The following KHDRBS2 variants were observed in gnomAD, a reference collection of about 807,000 sequenced individuals.
The protein encoded by KHDRBS2 is KH domain-containing, RNA-binding, signal transduction-associated protein 2.
Under a neutral mutation model 44.3 loss-of-function variants are expected in KHDRBS2, and 26 were observed. The observed-to-expected ratio is 0.59, with a 90% CI of 0.43 to 0.81. The LOEUF (loss-of-function observed/expected upper bound fraction) is 0.81. KHDRBS2 is among the 40% of genes least tolerant of loss of function. KHDRBS2 has a pLI of 0.00. For synonymous variants in KHDRBS2, 194 were observed against 151.1 expected, an observed-to-expected ratio of 1.28 and a Z score of -2.08; for missense variants, 476 against 433.1, an observed-to-expected ratio of 1.10 and a Z score of -0.88.
chr6:61,573,542 C>T, the KHDRBS2 span, among the ~76,000 whole-genome samples: 5 of 152,258 alleles, frequency 3.3e-5, no homozygotes, highest in South Asian at 6.2e-4. Flanking sequence ...GTAATCCCAA[C>T]ACTTTTGGAG....
At chr6:62,153,092 CA>C (rs1405268786) in intron 2 of KHDRBS2, among the ~76,000 whole-genome samples, 6 of 152,156 alleles carry the variant, frequency 3.9e-5, no homozygotes, top group Admixed American at 2.0e-4. Context: ...TGCTCAATGG[CA>C]AAAACATTAA....
intron 6 of KHDRBS2, among the ~76,000 whole-genome samples, chr6:61,770,424 G>C (rs1479741066): frequency 6.6e-6 from 1 of 152,150 alleles, no homozygotes; most frequent in Non-Finnish European, 1.5e-5. Flanking sequence ...CGGCAAAGAA[G>C]TTAAAAGCTT....
intron 3 of KHDRBS2, among the ~76,000 whole-genome samples, chr6:62,047,346 CT>C (rs1268456211): frequency 1.3e-5 from 2 of 151,828 alleles, no homozygotes; most frequent in African/African-American, 4.8e-5. Flanking sequence ...TGATAGATCT[CT>C]TATTGTTCTT....
the KHDRBS2 span, among the ~76,000 whole-genome samples, chr6:61,562,844 T>C: frequency 2.0e-5 from 3 of 152,184 alleles, no homozygotes; most frequent in African/African-American, 7.2e-5. Context: ...TTTTTATAAA[T>C]TATTTTTGAC....
At chr6:62,096,959 T>TTTTAATTTCTTC (rs1471221618) in intron 2 of KHDRBS2, among the ~76,000 whole-genome samples, 11 of 151,936 alleles carry the variant, frequency 7.2e-5, no homozygotes, top group Non-Finnish European at 1.6e-4. Flanking sequence ...TCAGTAAATA[T>TTTTAATTTCTTC]TTTAATTTCT....
chr6:61,826,031 C>A (rs1170417436), intron 6 of KHDRBS2, among the ~76,000 whole-genome samples: 1 of 152,092 alleles, frequency 6.6e-6, no homozygotes, highest in African/African-American at 2.4e-5. Context: ...CTTAACCTGA[C>A]AACATAGATG....
chr6:62,285,221 C>T (rs929264673), intron 1 of KHDRBS2, among the ~76,000 whole-genome samples: 7 of 152,078 alleles, frequency 4.6e-5, no homozygotes, highest in Non-Finnish European at 1.0e-4. Context: ...AGAAAATGCA[C>T]ACTTGGTAAA....
intron 8 of KHDRBS2, among the ~76,000 whole-genome samples, chr6:61,683,357 A>G (rs756476366): frequency 1.3e-5 from 2 of 151,836 alleles, no homozygotes; most frequent in Non-Finnish European, 2.9e-5. Context: ...TTGATGAGCT[A>G]AAACTCTTCA....
At chr6:62,060,410 A>T (rs1191925265) in intron 2 of KHDRBS2, among the ~76,000 whole-genome samples, 1 of 151,774 alleles carries the variant, frequency 6.6e-6, no homozygotes, top group Non-Finnish European at 1.5e-5. Flanking sequence ...AGACCTATAG[A>T]AATCTGGAAA....
At chr6:62,254,693 G>A (rs1053506086) in intron 1 of KHDRBS2, among the ~76,000 whole-genome samples, 1 of 152,020 alleles carries the variant, frequency 6.6e-6, no homozygotes, top group Non-Finnish European at 1.5e-5. Context: ...AACGTGGTAT[G>A]AAATCAGGTC....
chr6:61,698,348 T>A (rs1300809753), intron 7 of KHDRBS2, among the ~76,000 whole-genome samples: 1 of 152,110 alleles, frequency 6.6e-6, no homozygotes, highest in Non-Finnish European at 1.5e-5. Flanking sequence ...TCATACTTAC[T>A]CCCTAGGCAG....
the KHDRBS2 span, among the ~76,000 whole-genome samples, chr6:61,543,245 C>T: frequency 6.6e-6 from 1 of 151,734 alleles, no homozygotes; most frequent in Non-Finnish European, 1.5e-5. Flanking sequence ...ATATAATGAT[C>T]TCAAAAAAAC....
At chr6:61,737,641 A>G (rs750641825) in intron 6 of KHDRBS2, among the ~76,000 whole-genome samples, 1 of 152,068 alleles carries the variant, frequency 6.6e-6, no homozygotes, top group Non-Finnish European at 1.5e-5. Flanking sequence ...GGATTTCTGA[A>G]GAAGTGAGAA....
chr6:61,580,837 G>C, the KHDRBS2 span, among the ~76,000 whole-genome samples: 1 of 152,148 alleles, frequency 6.6e-6, no homozygotes, highest in African/African-American at 2.4e-5. Flanking sequence ...TTTAAGAGCT[G>C]TAACACTCAC....
At chr6:61,665,007 C>T in the KHDRBS2 span, among the ~76,000 whole-genome samples, 1 of 151,414 alleles carries the variant, frequency 6.6e-6, no homozygotes, top group Admixed American at 6.6e-5. Context: ...TATACTTTTT[C>T]TAATTCTACA....
At chr6:62,130,202 T>C (rs1404519880) in intron 2 of KHDRBS2, among the ~76,000 whole-genome samples, 1 of 152,130 alleles carries the variant, frequency 6.6e-6, no homozygotes. Context: ...GGGCCATAAT[T>C]GTGGTAGAAT....
At chr6:61,986,713 G>T (rs1256486514) in intron 3 of KHDRBS2, among the ~76,000 whole-genome samples, 1 of 152,130 alleles carries the variant, frequency 6.6e-6, no homozygotes, top group Non-Finnish European at 1.5e-5. Flanking sequence ...TCCGTTCCTG[G>T]TGAGGGCTCT....
intron 4 of KHDRBS2, among the ~76,000 whole-genome samples, chr6:61,947,196 G>T (rs1288718675): frequency 1.3e-5 from 2 of 152,104 alleles, no homozygotes; most frequent in East Asian, 3.9e-4. Context: ...ACTATTATAA[G>T]ACATCTGCAA....
At chr6:62,210,183 AT>A (rs980704820) in intron 1 of KHDRBS2, among the ~76,000 whole-genome samples, 8 of 152,026 alleles carry the variant, frequency 5.3e-5, no homozygotes, top group African/African-American at 1.7e-4. Context: ...ACGACCACCT[AT>A]TTTTTAGGTG....
Sources: allele counts gnomAD v4.1 joint callset (sites outside exome capture counted in the v4.1 genomes callset), GRCh38; gene constraint gnomAD v4.1.1; transcripts MANE v1.5; gene names NCBI Gene and HGNC (gene_info 2026-07-23, HGNC 2026-07-21).